The following ZNF547 variants were observed in gnomAD, a reference collection of about 807,000 sequenced individuals.
ZNF547 encodes zinc finger protein 547.
A neutral mutation model predicts 7.7 loss-of-function variants in ZNF547; 4 were observed. The ratio of observed to expected loss-of-function variants is 0.52; its 90% CI spans 0.26 to 1.20. ZNF547 has a LOEUF of 1.20. ZNF547 is among the 50% of genes most tolerant of loss of function. The pLI is 0.14. For missense variants in ZNF547, 449 were observed against 485.8 expected, an observed-to-expected ratio of 0.92 and a Z score of 0.71; for synonymous variants, 166 against 166.2, an observed-to-expected ratio of 1.00 and a Z score of 0.01.
At position 57,377,455 on chromosome 19, in the gene ZNF547, A is replaced by T; in HGVS notation, c.479A>T (p.Glu160Val). The T allele has an allele frequency of 1.2e-6, 2 of 1,614,268 alleles. No individual in the cohort carries two copies. Among genetic ancestry groups the T allele is most frequent in the South Asian group, 1.1e-5 (1 of 91,090 alleles). ...GCAGGGAAGACCTTCTTGTGCAGTG[A>T]ATGTGGGAAAGCCTTTAGCCACAAA... ...HMAGKTFLCS[E>V]CGKAFSHKHK... The change falls in exon 4 of 4, where the codon GAA becomes GTA. Residue 160 changes from glutamate to valine, a missense_variant. Glu to Val is a moderately radical substitution (Grantham distance 121). Transcript: ENST00000282282.
rs2088541341 is a variant in ZNF547, at chr19:57,377,222, T to G, written c.246T>G (p.Ser82=). 1.9e-6 allele frequency: 3 copies of G among 1,614,094 alleles called. No individual in the cohort carries two copies. Among genetic ancestry groups the G allele is most frequent in the African/African-American group, 1.3e-5 (1 of 74,940 alleles). ...TCATGGCTCCAAAGCCCTGTCTATC[T>G]ACCCAGAATACCCAGCCCTGTGAGA... ...SQVMAPKPCL[S]TQNTQPCETC... is the part of the protein sequence containing the mutation. Residue 82 remains serine (S), a synonymous_variant, in exon 4 of 4, where the codon TCT becomes TCG. Transcript: ENST00000282282.
rs570250592 is a variant in ZNF547 at position 57,374,517 on chromosome 19, C to A, written c.151+2609C>A. Among the ~76,000 whole-genome samples, 17 of 152,380 alleles carry A rather than the reference C, an allele frequency of 1.1e-4. No homozygotes were observed. The South Asian group carries it at 3.5e-3, about 32-fold the overall frequency. ...TCACCTTCGTGGTTAACATTCCACT[C>A]CTCGTTACTTATGCAAATTTCTGCA... On this transcript the variant is annotated intron_variant, in intron 3 of 3. Transcript: ENST00000282282.
intron 3 of ZNF547, among the ~76,000 whole-genome samples, chr19:57,374,534 A>G (rs2088524846): frequency 6.6e-6 from 1 of 152,214 alleles, no homozygotes; most frequent in African/African-American, 2.4e-5. Context: ...ACTTATGCAA[A>G]TTTCTGCAGC....
Position 57,368,542 on chromosome 19 carries a change from A to C in ZNF547, c.-12-2A>C. On this transcript the variant is annotated splice_acceptor_variant, in intron 1 of 3. Coordinates refer to ENST00000282282, the MANE Select transcript of ZNF547 (RefSeq NM_173631.4). LOFTEE classifies it low-confidence loss of function (5UTR_SPLICE). ...TTTCTCACGGTTTCCCTCTTCCTTC[A>C]GGGTCCCCTGGCGATGGCAGAAATG... The C allele has an allele frequency of 6.2e-7, 1 of 1,614,034 alleles. No individual in the cohort carries two copies. The highest frequency in any genetic ancestry group is 8.5e-7 in the Non-Finnish European group (1 of 1,179,932).
Position 57,378,325 on chromosome 19 carries a change from G to T in ZNF547, c.*140G>T, listed in dbSNP as rs903284973. 3 of 806,548 alleles carry T rather than the reference G, an allele frequency of 3.7e-6. No homozygotes were observed. The highest frequency in any genetic ancestry group is 6.1e-6 in the Non-Finnish European group (3 of 490,798). 50.0% of individuals were successfully genotyped at this position (806,548 alleles called of 1,614,324 possible). A position where few individuals can be genotyped will look rare whatever the true frequency, so the allele number is the denominator to read the frequency against. ...GTAGGTACAGCTCTCCAGTCGCTAT[G>T]TATCAGAGAATTCACACTGCAGAAA... On this transcript the variant is annotated 3_prime_UTR_variant, in exon 4 of 4. Transcript: ENST00000282282.
chr19:57,367,776 C>T (rs1321452331), intron 1 of ZNF547, among the ~76,000 whole-genome samples: 1 of 152,208 alleles, frequency 6.6e-6, no homozygotes, highest in East Asian at 1.9e-4. Flanking sequence ...AAAAGTTATC[C>T]AGGCTAGTGG....
Position 57,378,439 on chromosome 19 carries a change from A to G in ZNF547, c.*254A>G, listed in dbSNP as rs2088553618. 1 of 657,268 alleles carries G rather than the reference A, an allele frequency of 1.5e-6. No individual in the cohort carries two copies. Among genetic ancestry groups the G allele is most frequent in the Non-Finnish European group, 2.8e-6 (1 of 353,762 alleles). The allele number at this position is 657,268 out of a possible 1,614,324, so 40.7% of individuals were successfully genotyped here. A position where few individuals can be genotyped will look rare whatever the true frequency, so the allele number is the denominator to read the frequency against. On this transcript the variant is annotated 3_prime_UTR_variant, in exon 4 of 4. Coordinates refer to ENST00000282282, the MANE Select transcript of ZNF547 (RefSeq NM_173631.4). Reference sequence around the variant, plus strand: ...GTTTACACTGAAGAAGAGTCTTTTCAATAAAGTAGAAAGTGGTAAAGATTC... The same window carrying G: ...GTTTACACTGAAGAAGAGTCTTTTCGATAAAGTAGAAAGTGGTAAAGATTC...
Position 57,379,010 on chromosome 19 carries a change from C to A in ZNF547, c.*825C>A. ...AGTTCATTCATTTTTTAGCATGTGT[C>A]AGAAATTTTAAGGCTGAGCAATATT... is the stretch of plus-strand genomic sequence containing the variant. On this transcript the variant is annotated 3_prime_UTR_variant, in exon 4 of 4. Transcript: ENST00000282282. 5.7e-6 allele frequency: 1 copy of A among 175,716 alleles called. No homozygotes were observed. The highest frequency in any genetic ancestry group is 1.2e-5 in the Non-Finnish European group (1 of 82,322). 10.9% of individuals were successfully genotyped at this position (175,716 alleles called of 1,614,324 possible). A position where few individuals can be genotyped will look rare whatever the true frequency, so the allele number is the denominator to read the frequency against.
At position 57,373,212 on chromosome 19, in the gene ZNF547, C is replaced by T. The variant is rs189276155; in HGVS notation, c.151+1304C>T. Among the ~76,000 whole-genome samples, 22 of 152,238 alleles carry T rather than the reference C, an allele frequency of 1.4e-4. No individual in the cohort carries two copies. In the East Asian group the frequency reaches 3.3e-3, roughly 23 times the overall value. On this transcript the variant is annotated intron_variant, in intron 3 of 3. Coordinates refer to ENST00000282282, the MANE Select transcript of ZNF547 (RefSeq NM_173631.4). ...AGAACTAGGCATCTTCTTCACAGGG[C>T]GGCAAGACAAATGAGTCCAAGCAGG...
chr19:57,369,287 G>C (rs28504569), intron 2 of ZNF547, among the ~76,000 whole-genome samples: 7,193 of 152,108 alleles, frequency 0.047, 494 homozygotes, highest in African/African-American at 0.16. Flanking sequence ...AGGCAGCTGG[G>C]GGGGTGGGAT....
chr19:57,365,000 C>T (rs2088454771), intron 1 of ZNF547: 3 of 1,612,564 alleles, frequency 1.9e-6, no homozygotes, highest in Non-Finnish European at 2.5e-6. Context: ...ATGTGGCTGT[C>T]GAACAACATG....
rs1280050506 is a variant in ZNF547 at position 57,377,671 on chromosome 19, C to T, written c.695C>T (p.Thr232Ile). The T allele has an allele frequency of 6.2e-7, 1 of 1,611,112 alleles. No individual in the cohort carries two copies. Among genetic ancestry groups the T allele is most frequent in the East Asian group, 2.2e-5 (1 of 44,722 alleles). The change falls in exon 4 of 4, where the codon ACA becomes ATA. Residue 232 changes from threonine to isoleucine, a missense_variant. Thr to Ile is a moderately conservative substitution (Grantham distance 89). Transcript: ENST00000282282. ...LCKSHLVRHQTIHSGERPYEC... is the reference protein window; with the variant it reads ...LCKSHLVRHQIIHSGERPYEC... Reference sequence around the variant, plus strand: ...AAGTCTCACCTTGTTCGTCACCAGACAATCCACTCTGGAGAAAGGCCTTAT... The same window carrying T: ...AAGTCTCACCTTGTTCGTCACCAGATAATCCACTCTGGAGAAAGGCCTTAT...
chr19:57,372,566 A>G (rs1372602756), intron 3 of ZNF547, among the ~76,000 whole-genome samples: 1 of 152,186 alleles, frequency 6.6e-6, no homozygotes, highest in Non-Finnish European at 1.5e-5. Flanking sequence ...AAAAGGTGTA[A>G]TATCACAGCT....
chr19:57,378,192 T>C lies in ZNF547; in HGVS notation c.*7T>C. ...GAAAGTCCACACTGGATAAGGCCCT[T>C]ATGAATGCAGTGGATATGGGAAAGC... On this transcript the variant is annotated 3_prime_UTR_variant, in exon 4 of 4. Transcript: ENST00000282282. The C allele has an allele frequency of 1.3e-6, 2 of 1,598,768 alleles. No individual in the cohort carries two copies. Among genetic ancestry groups the C allele is most frequent in the Non-Finnish European group, 1.7e-6 (2 of 1,170,384 alleles).
intron 2 of ZNF547, among the ~76,000 whole-genome samples, chr19:57,368,917 T>A (rs1029874789): frequency 6.6e-6 from 1 of 152,148 alleles, no homozygotes; most frequent in Non-Finnish European, 1.5e-5. Flanking sequence ...ACTGGATTTT[T>A]AGGGAACTGC....
chr19:57,365,656 C>A (rs968753372), intron 1 of ZNF547, among the ~76,000 whole-genome samples: 1 of 151,618 alleles, frequency 6.6e-6, no homozygotes, highest in Non-Finnish European at 1.5e-5. Flanking sequence ...CAGGCTCCCA[C>A]CACCATGCCT....
intron 1 of ZNF547, among the ~76,000 whole-genome samples, chr19:57,366,570 C>T (rs1600075204): frequency 1.9e-5 from 1 of 51,370 alleles, no homozygotes; most frequent in South Asian, 5.9e-4. Context: ...TTTTTTTTGA[C>T]GTGGAGTTTT....
intron 3 of ZNF547, among the ~76,000 whole-genome samples, chr19:57,375,431 C>T (rs2088530238): frequency 6.6e-6 from 1 of 151,650 alleles, no homozygotes; most frequent in Non-Finnish European, 1.5e-5. Context: ...GTGGACGGGT[C>T]ACTTGAGATC....
rs1158872343 is a variant in ZNF547 at position 57,378,151 on chromosome 19, C to T, written c.1175C>T (p.Thr392Ile). 1.9e-6 allele frequency: 3 copies of T among 1,610,936 alleles called. No homozygotes were observed. The highest frequency in any genetic ancestry group is 2.2e-5 in the South Asian group (2 of 90,858). Residue 392 changes from threonine to isoleucine, a missense_variant, in exon 4 of 4, where the codon ACA becomes ATA. Coordinates refer to ENST00000282282, the MANE Select transcript of ZNF547 (RefSeq NM_173631.4). ...GGGAAATTCTTTAGGTATAACTCTA[C>T]ACTTCTCAGACATCAGAAAGTCCAC... is the stretch of plus-strand genomic sequence containing the variant. The part of the protein sequence containing the change: ...ECGKFFRYNS[T>I]LLRHQKVHTG
Sources: allele counts gnomAD v4.1 joint callset (sites outside exome capture counted in the v4.1 genomes callset), GRCh38; gene constraint gnomAD v4.1.1; transcripts MANE v1.5; gene names NCBI Gene and HGNC (gene_info 2026-07-23, HGNC 2026-07-21).